LPAR1: variants seen among roughly 807,000 people sequenced by gnomAD.
The protein encoded by LPAR1 is LPA receptor 1.
LPAR1 carries 5 observed loss-of-function variants against 23.8 expected under a neutral mutation model. That is an observed-to-expected ratio of 0.21 (90% CI 0.11 to 0.44). The LOEUF is 0.44. LPAR1 is among the 20% of genes least tolerant of loss of function. LPAR1 has a pLI of 0.99. For missense variants in LPAR1, 311 were observed against 482.8 expected (o/e 0.64, Z 3.33); for synonymous variants, 160 against 164.7 (o/e 0.97, Z 0.22).
chr9:110,928,192 T>C (rs2094170683), intron 5 of LPAR1, among the ~76,000 whole-genome samples: 1 of 152,158 alleles, frequency 6.6e-6, no homozygotes, highest in Non-Finnish European at 1.5e-5. Context: ...TTATATAATA[T>C]AGATAGAGCA....
chr9:110,896,932 C>G (rs948463714), intron 5 of LPAR1, among the ~76,000 whole-genome samples: 2 of 151,750 alleles, frequency 1.3e-5, no homozygotes, highest in East Asian at 1.9e-4. Flanking sequence ...GGACTACAGG[C>G]GCCTGCCACC....
At chr9:111,035,277 C>CA (rs1466539332) in intron 2 of LPAR1, among the ~76,000 whole-genome samples, 2 of 152,024 alleles carry the variant, frequency 1.3e-5, no homozygotes, top group African/African-American at 4.8e-5. Context: ...GGCTGTAGTG[C>CA]AATGGCACAA....
chr9:111,012,715 A>G (rs1335839696), intron 2 of LPAR1, among the ~76,000 whole-genome samples: 1 of 152,162 alleles, frequency 6.6e-6, no homozygotes, highest in Non-Finnish European at 1.5e-5. Context: ...GCCTAAAATA[A>G]AGCAATTACT....
chr9:110,879,566 T>G (rs760867280), intron 5 of LPAR1, among the ~76,000 whole-genome samples: 7 of 151,990 alleles, frequency 4.6e-5, no homozygotes, highest in Non-Finnish European at 1.0e-4. Flanking sequence ...GCATACATTC[T>G]CAACCCTAGC....
chr9:110,927,103 T>C (rs969492081), intron 5 of LPAR1, among the ~76,000 whole-genome samples: 11 of 152,198 alleles, frequency 7.2e-5, no homozygotes, highest in African/African-American at 2.7e-4. Flanking sequence ...GTGGTACAGA[T>C]AAAGAAGTTG....
At chr9:110,956,129 T>C (rs1374101274) in intron 4 of LPAR1, among the ~76,000 whole-genome samples, 1 of 149,334 alleles carries the variant, frequency 6.7e-6, no homozygotes, top group East Asian at 2.0e-4. Context: ...CAGCAAACTA[T>C]CACAAGAACA....
intron 2 of LPAR1, among the ~76,000 whole-genome samples, chr9:110,987,570 A>G (rs1247018057): frequency 6.6e-6 from 1 of 151,634 alleles, no homozygotes; most frequent in Non-Finnish European, 1.5e-5. Context: ...CTCTTTCGCT[A>G]TTGCAAGTCT....
At chr9:111,018,902 T>C (rs1214548209) in intron 2 of LPAR1, among the ~76,000 whole-genome samples, 1 of 152,216 alleles carries the variant, frequency 6.6e-6, no homozygotes. Context: ...ATGAACAGTT[T>C]AACAGCTTAA....
At chr9:110,936,216 C>A (rs1347949707) in intron 5 of LPAR1, among the ~76,000 whole-genome samples, 1 of 152,112 alleles carries the variant, frequency 6.6e-6, no homozygotes, top group African/African-American at 2.4e-5. Flanking sequence ...TTCTCTTATC[C>A]CTTAGCACAC....
chr9:110,935,672 C>T (rs73655697), intron 5 of LPAR1, among the ~76,000 whole-genome samples: 2,935 of 152,242 alleles, frequency 0.019, 95 homozygotes, highest in African/African-American at 0.067. Flanking sequence ...AGGAGGGTGA[C>T]CATTCATCCT....
chr9:110,905,351 T>TA (rs200696811), intron 5 of LPAR1, among the ~76,000 whole-genome samples: 4,368 of 148,378 alleles, frequency 0.029, 214 homozygotes, highest in African/African-American at 0.099. Context: ...TTTTTATTAT[T>TA]TTTTTTTTTT....
chr9:110,959,216 G>C (rs2095867597), intron 4 of LPAR1, among the ~76,000 whole-genome samples: 1 of 145,646 alleles, frequency 6.9e-6, no homozygotes, highest in South Asian at 2.2e-4. Context: ...ATATGATCTA[G>C]GTATCCCTCT....
At chr9:110,882,884 T>C (rs1272475578) in intron 5 of LPAR1, among the ~76,000 whole-genome samples, 2 of 152,214 alleles carry the variant, frequency 1.3e-5, no homozygotes, top group African/African-American at 4.8e-5. Context: ...TCACTCATAT[T>C]CAGATATTTA....
intron 2 of LPAR1, among the ~76,000 whole-genome samples, chr9:111,008,389 C>T (rs1001257068): frequency 6.6e-6 from 1 of 151,994 alleles, no homozygotes; most frequent in African/African-American, 2.4e-5. Flanking sequence ...TGGCAAAAGT[C>T]ATGAATCTCC....
intron 2 of LPAR1, among the ~76,000 whole-genome samples, chr9:110,975,136 G>T (rs915007170): frequency 2.0e-5 from 3 of 152,096 alleles, no homozygotes; most frequent in Non-Finnish European, 4.4e-5. Context: ...TATATGCTCA[G>T]GTCCAATATC....
At chr9:110,878,394 A>T (rs2132347450) in intron 5 of LPAR1, among the ~76,000 whole-genome samples, 1 of 152,328 alleles carries the variant, frequency 6.6e-6, no homozygotes, top group Non-Finnish European at 1.5e-5. Context: ...TTCCTAACCC[A>T]CAATGAATGG....
chr9:110,887,792 G>A (rs1472513542), intron 5 of LPAR1, among the ~76,000 whole-genome samples: 5 of 152,098 alleles, frequency 3.3e-5, no homozygotes, highest in South Asian at 2.1e-4. Flanking sequence ...TGACTAGCCC[G>A]TAAATCCTAA....
intron 1 of LPAR1, among the ~76,000 whole-genome samples, chr9:111,037,625 T>C (rs2097917421): frequency 6.6e-6 from 1 of 152,132 alleles, no homozygotes; most frequent in African/African-American, 2.4e-5. Context: ...TAGTTAAAAG[T>C]CCTCAGCCCG....
At chr9:111,023,773 A>T (rs1021628441) in intron 2 of LPAR1, among the ~76,000 whole-genome samples, 1 of 152,248 alleles carries the variant, frequency 6.6e-6, no homozygotes, top group Non-Finnish European at 1.5e-5. Flanking sequence ...AGTACTTTTT[A>T]AAATGAAAAT....
Sources: gnomAD v4.1 joint callset for allele counts (sites outside exome capture counted in the v4.1 genomes callset) on GRCh38, gnomAD v4.1.1 for gene constraint, MANE v1.5 for transcripts, NCBI Gene and HGNC (gene_info 2026-07-23, HGNC 2026-07-21) for gene names.